Variants in LMO7 observed in about 807,000 individuals in gnomAD.
LMO7 encodes the protein LIM domain 7, also known as LIM domain only protein 7.
Under a neutral mutation model 206.5 loss-of-function variants are expected in LMO7, and 120 were observed. The observed-to-expected ratio is 0.58, with a 90% CI of 0.50 to 0.68. The LOEUF (loss-of-function observed/expected upper bound fraction) is 0.68. LMO7 is among the 30% of genes least tolerant of loss of function. The pLI is 0.00. For synonymous variants in LMO7, 706 were observed against 681.5 expected, an observed-to-expected ratio of 1.04 and a Z score of -0.56; for missense variants, 1,959 against 1,957.9, an observed-to-expected ratio of 1.00 and a Z score of -0.01.
chr13:75,778,467 C>T (rs2050826039), intron 4 of LMO7, among the ~76,000 whole-genome samples: 2 of 152,164 alleles, frequency 1.3e-5, no homozygotes, highest in African/African-American at 2.4e-5. Context: ...GTCCTGACCT[C>T]GTGATCCACC....
At chr13:75,742,545 A>G (rs947123625) in intron 3 of LMO7, among the ~76,000 whole-genome samples, 1 of 152,210 alleles carries the variant, frequency 6.6e-6, no homozygotes, top group Admixed American at 6.5e-5. Context: ...ATGGAACAGA[A>G]TAGAGGGCTC....
chr13:75,822,712 G>C, intron 14 of LMO7, among the ~76,000 whole-genome samples: 1 of 143,516 alleles, frequency 7.0e-6, no homozygotes, highest in East Asian at 2.1e-4. Flanking sequence ...AGAAACAGAT[G>C]TTCCTCATAC....
At chr13:75,749,439 G>A (rs1335891793) in intron 3 of LMO7, among the ~76,000 whole-genome samples, 1 of 152,196 alleles carries the variant, frequency 6.6e-6, no homozygotes, top group Non-Finnish European at 1.5e-5. Context: ...TTGATGTAAA[G>A]TTTAATTTGA....
chr13:75,621,426 T>G (rs1254149307), exon 1 of LMO7: 1 of 196,556 alleles, frequency 5.1e-6, no homozygotes. Context: ...CCAAGCACAC[T>G]GCTCATGAGG....
At chr13:75,635,255 G>A (rs1268548138), upstream of LMO7, among the ~76,000 whole-genome samples, 1 of 152,094 alleles carries the variant, frequency 6.6e-6, no homozygotes, top group Non-Finnish European at 1.5e-5. Flanking sequence ...AGCAGAGTAA[G>A]AACCGGTCTT....
intron 1 of LMO7, among the ~76,000 whole-genome samples, chr13:75,668,132 C>G (rs932825585): frequency 6.6e-6 from 1 of 152,190 alleles, no homozygotes; most frequent in South Asian, 2.1e-4. Flanking sequence ...TGCTTGAACA[C>G]TGGAGGTGCA....
Position 75,680,224 on chromosome 13 carries a change from G to T in LMO7, c.70-32958G>T, listed in dbSNP as rs899708528. On this transcript the variant is annotated intron_variant, in intron 1 of 30. Transcript: ENST00000377534. The stretch of plus-strand genomic sequence containing the variant: ...CTATCCATGTCCCTGCAAAGGGCAT[G>T]ATCTCGTTCCCTTTTGTGGTTGCAC... 2.6e-5 allele frequency among the ~76,000 whole-genome samples: 4 copies of T among 152,318 alleles called. No homozygotes were observed. The East Asian group carries it at 7.7e-4, about 29-fold the overall frequency.
At chr13:75,665,317 A>C (rs2038981504) in intron 1 of LMO7, among the ~76,000 whole-genome samples, 1 of 152,078 alleles carries the variant, frequency 6.6e-6, no homozygotes. Context: ...TTTTTTAAAA[A>C]AGGGTTATTT....
chr13:75,759,267 G>T (rs1010952121), intron 3 of LMO7, among the ~76,000 whole-genome samples: 2 of 152,114 alleles, frequency 1.3e-5, no homozygotes, highest in Non-Finnish European at 2.9e-5. Context: ...ATGAGAATTG[G>T]GTGGGGACAC....
At position 75,660,139 on chromosome 13, in the gene LMO7, C is replaced by T. The variant is rs144123357; in HGVS notation, c.69+23413C>T. On this transcript the variant is annotated intron_variant, in intron 1 of 30. Transcript: ENST00000377534. The stretch of plus-strand genomic sequence containing the variant: ...TCATTTAGAAGATGTTTATTGAACA[C>T]TTCCTATGTTCTAGACGATGTAGGG... 1.8e-3 allele frequency among the ~76,000 whole-genome samples: 276 copies of T among 152,284 alleles called. 2 individuals are homozygous for T. The highest frequency in any genetic ancestry group is 6.3e-3 in the African/African-American group (263 of 41,552).
At chr13:75,697,026 T>A (rs143645325) in intron 1 of LMO7, among the ~76,000 whole-genome samples, 1 of 152,076 alleles carries the variant, frequency 6.6e-6, no homozygotes, top group East Asian at 1.9e-4. Context: ...AAACAACACA[T>A]GTGCACGGGT....
In LMO7 at chr13:75,807,957, C is replaced by T; in HGVS notation, c.1674C>T (p.Leu558=). 3 of 1,613,970 alleles carry T rather than the reference C, an allele frequency of 1.9e-6. No homozygotes were observed. Among genetic ancestry groups the T allele is most frequent in the African/African-American group, 2.7e-5 (2 of 75,038 alleles). The change falls in exon 10 of 31, where the codon CTC becomes CTT. Residue 558 remains leucine (L), a synonymous_variant. Coordinates refer to ENST00000377534, the MANE Select transcript of LMO7 (RefSeq NM_001306080.2). ...TLPPEIQAKF[L]CVLERTCPSK... ...CTCCAGAAATTCAAGCAAAATTTCT[C>T]TGTGTACTTGAAAGGACATGCCCAT...
intron 1 of LMO7, among the ~76,000 whole-genome samples, chr13:75,693,864 C>G (rs1240547488): frequency 6.6e-6 from 1 of 152,200 alleles, no homozygotes; most frequent in Admixed American, 6.5e-5. Flanking sequence ...GCAGCTCCCC[C>G]ATCTTGCTGT....
intron 6 of LMO7, among the ~76,000 whole-genome samples, chr13:75,799,300 A>T (rs530762176): frequency 6.6e-6 from 1 of 152,356 alleles, no homozygotes; most frequent in African/African-American, 2.4e-5. Context: ...TATAATTAAA[A>T]GTTGAAAGAA....
chr13:75,839,506 A>C (rs1457536734), intron 20 of LMO7, among the ~76,000 whole-genome samples: 2 of 152,234 alleles, frequency 1.3e-5, no homozygotes, highest in Non-Finnish European at 2.9e-5. Context: ...AAAAAGAATA[A>C]GACTGTACCC....
intron 1 of LMO7, among the ~76,000 whole-genome samples, chr13:75,694,051 C>T (rs1421019434): frequency 6.6e-6 from 1 of 152,044 alleles, no homozygotes; most frequent in African/African-American, 2.4e-5. Flanking sequence ...TACTGTCATG[C>T]ATGTCATACA....
At chr13:75,755,339 CTTG>C (rs1156733063) in intron 3 of LMO7, among the ~76,000 whole-genome samples, 1 of 152,146 alleles carries the variant, frequency 6.6e-6, no homozygotes, top group Non-Finnish European at 1.5e-5. Flanking sequence ...AAAGAAATCT[CTTG>C]TTGTTTTCTC....
chr13:75,749,080 A>G (rs2047081507), intron 3 of LMO7, among the ~76,000 whole-genome samples: 1 of 152,100 alleles, frequency 6.6e-6, no homozygotes, highest in Non-Finnish European at 1.5e-5. Context: ...GTGCTGGATT[A>G]AAAGTGAATC....
chr13:75,681,557 C>T (rs563678209), intron 1 of LMO7, among the ~76,000 whole-genome samples: 1 of 151,858 alleles, frequency 6.6e-6, no homozygotes, highest in Non-Finnish European at 1.5e-5. Flanking sequence ...TACCCTCCCC[C>T]ACCAAGTTTC....
Sources: gnomAD v4.1 joint callset for allele counts (sites outside exome capture counted in the v4.1 genomes callset) on GRCh38, gnomAD v4.1.1 for gene constraint, MANE v1.5 for transcripts, NCBI Gene and HGNC (gene_info 2026-07-23, HGNC 2026-07-21) for gene names.